Variants in ZDHHC15 observed in about 807,000 individuals in gnomAD.
ZDHHC15 encodes the protein palmitoyltransferase ZDHHC15.
Under a neutral mutation model 31.7 loss-of-function variants are expected in ZDHHC15, and 19 were observed. That is an observed-to-expected ratio of 0.60 (90% CI 0.42 to 0.88). The LOEUF (loss-of-function observed/expected upper bound fraction) is 0.88. Among genes scored for constraint, ZDHHC15 ranks in the 40% least tolerant of loss-of-function variants. The pLI, the probability that ZDHHC15 is intolerant of heterozygous loss-of-function variation, is 0.00. For missense variants in ZDHHC15, 209 were observed against 251.2 expected, an observed-to-expected ratio of 0.83 and a Z score of 1.14; for synonymous variants, 103 against 90.0, an observed-to-expected ratio of 1.14 and a Z score of -0.82.
At chrX:75,461,787 A>C (rs1271969938) in intron 3 of ZDHHC15, among the ~76,000 whole-genome samples, 1 of 112,026 alleles carries the variant, frequency 8.9e-6, no homozygotes, top group African/African-American at 3.2e-5. Flanking sequence ...GAAGCACTAA[A>C]TATGGAAAGG....
In ZDHHC15 at chrX:75,463,575, T is replaced by TACAACAACAACAACAACAACA. The variant is rs55847003; in HGVS notation, c.259-12674_259-12654dup. Reference sequence around the variant, plus strand: ...CCAGAATCTATAAAGAACTCAAATTTACAACAACAACAACAACAACAACAA... The same window carrying TACAACAACAACAACAACAACA: ...CCAGAATCTATAAAGAACTCAAATTTACAACAACAACAACAACAACAACAACAACAACAACAACAACAACAA... On this transcript the variant is annotated intron_variant, in intron 3 of 11. Coordinates refer to ENST00000373367, the MANE Select transcript of ZDHHC15 (RefSeq NM_144969.3). 0.035 allele frequency among the ~76,000 whole-genome samples: 3,526 copies of TACAACAACAACAACAACAACA among 100,700 alleles called. 250 individuals carry two copies. The East Asian group carries it at 0.38, about 11-fold the overall frequency. 87.4% of individuals were successfully genotyped at this position (100,700 alleles called of 115,157 possible). A position where few individuals can be genotyped will look rare whatever the true frequency, so the allele number is the denominator to read the frequency against.
chrX:75,374,350 G>A (rs938082680), intron 11 of ZDHHC15, among the ~76,000 whole-genome samples: 7 of 109,942 alleles, frequency 6.4e-5, no homozygotes, highest in Non-Finnish European at 9.5e-5. Flanking sequence ...AAACCTGCAC[G>A]TTCTGCACAT....
chrX:75,477,143 G>C (rs913191971), intron 3 of ZDHHC15, among the ~76,000 whole-genome samples: 1 of 111,128 alleles, frequency 9.0e-6, no homozygotes, highest in Non-Finnish European at 1.9e-5. Context: ...CATTTGTTAA[G>C]CATGTGTTTA....
At position 75,421,887 on chromosome X, in the gene ZDHHC15, G is replaced by T; in HGVS notation, c.840C>A (p.Phe280Leu). 8.3e-7 allele frequency: 1 copy of T among 1,210,196 alleles called. No individual in the cohort carries two copies. The highest frequency in any genetic ancestry group is 1.1e-6 in the Non-Finnish European group (1 of 894,696). ...IQQVFGDKKK[F>L]WLIPIGSSPG... ...ACCTGGAACCAATAGGTATTAACCA[G>T]AACTTCTTCTTATCTCCAAACACCT... The change falls in exon 9 of 12, where the codon TTC (phenylalanine) becomes TTA (leucine). Residue 280 changes from phenylalanine to leucine, a missense_variant. By Grantham distance (22) the Phe-to-Leu change is conservative. Transcript: ENST00000373367.
chrX:75,519,454 T>C (rs1358451653), intron 1 of ZDHHC15, among the ~76,000 whole-genome samples: 1 of 111,640 alleles, frequency 9.0e-6, no homozygotes, highest in African/African-American at 3.3e-5. Context: ...TGAACAACTG[T>C]AGAAGCAAGG....
intron 10 of ZDHHC15, among the ~76,000 whole-genome samples, chrX:75,414,852 A>G (rs1184232227): frequency 1.9e-5 from 2 of 106,492 alleles, no homozygotes; most frequent in East Asian, 3.0e-4. Context: ...TGCAACCTCC[A>G]TCTCCTGGGT....
intron 1 of ZDHHC15, among the ~76,000 whole-genome samples, chrX:75,517,849 T>A (rs1602779538): frequency 2.7e-5 from 3 of 110,446 alleles, no homozygotes; most frequent in African/African-American, 9.9e-5. Flanking sequence ...AAAATTATTA[T>A]AAGAAAACAC....
intron 10 of ZDHHC15, among the ~76,000 whole-genome samples, chrX:75,391,700 TAAGAA>T (rs1400911643): frequency 8.9e-6 from 1 of 112,312 alleles, no homozygotes; most frequent in Non-Finnish European, 1.9e-5. Context: ...AAGTGTTCTA[TAAGAA>T]ATGCTAAAAG....
chrX:75,400,202 A>T lies in ZDHHC15; in HGVS notation c.967+16885T>A, dbSNP rs769976015. Among the ~76,000 whole-genome samples, 64 of 111,960 alleles carry T rather than the reference A, an allele frequency of 5.7e-4. 1 individual carries two copies. The highest frequency in any genetic ancestry group is 2.1e-3 in the African/African-American group (64 of 30,801). Reference sequence around the variant, plus strand: ...AATCATCAAGATTCAGGAGGATGGCAAAACCCAATCCAAGGAAAATAAGAA... The same window carrying T: ...AATCATCAAGATTCAGGAGGATGGCTAAACCCAATCCAAGGAAAATAAGAA... On this transcript the variant is annotated intron_variant, in intron 10 of 11. Coordinates refer to ENST00000373367, the MANE Select transcript of ZDHHC15 (RefSeq NM_144969.3).
intron 2 of ZDHHC15, among the ~76,000 whole-genome samples, chrX:75,489,453 C>T (rs2084835453): frequency 8.9e-6 from 1 of 111,916 alleles, no homozygotes; most frequent in African/African-American, 3.2e-5. Flanking sequence ...TGTTCTGCAG[C>T]CTCCACTGCT....
Position 75,372,203 on chromosome X carries a change from G to GTCT in ZDHHC15, c.*772_*774dup, listed in dbSNP as rs1162139431. Reference sequence around the variant, plus strand: ...AATTTTACTGCACCCTGACAAAAAAGTCTTTAAAAAACACTGGTTATTATG... The same window carrying GTCT: ...AATTTTACTGCACCCTGACAAAAAAGTCTTCTTTAAAAAACACTGGTTATTATG... On this transcript the variant is annotated 3_prime_UTR_variant, in exon 12 of 12. Transcript: ENST00000373367. 1 of 111,871 alleles carries GTCT rather than the reference G, an allele frequency of 8.9e-6. No individual in the cohort carries two copies. The highest frequency in any genetic ancestry group is 3.2e-5 in the African/African-American group (1 of 30,823). 9.2% of individuals were successfully genotyped at this position (111,871 alleles called of 1,213,427 possible). A position where few individuals can be genotyped will look rare whatever the true frequency, so the allele number is the denominator to read the frequency against.
At chrX:75,508,387 C>T (rs928416001) in intron 1 of ZDHHC15, among the ~76,000 whole-genome samples, 2 of 99,772 alleles carry the variant, frequency 2.0e-5, no homozygotes, top group Non-Finnish European at 4.0e-5. Flanking sequence ...TGAGTGAGAA[C>T]ATGCAGTGTT....
At chrX:75,451,821 A>T (rs1476187984) in intron 3 of ZDHHC15, among the ~76,000 whole-genome samples, 1 of 111,236 alleles carries the variant, frequency 9.0e-6, no homozygotes, top group Non-Finnish European at 1.9e-5. Flanking sequence ...AAAATATTTG[A>T]TGTTGCTGCT....
intron 2 of ZDHHC15, chrX:75,502,329 C>T (rs1303482771): frequency 9.0e-6 from 1 of 111,402 alleles, no homozygotes; most frequent in Non-Finnish European, 1.9e-5. Context: ...AACTTAACTA[C>T]CTCTTTAAAG....
chrX:75,510,292 A>C (rs2085240917), intron 1 of ZDHHC15, among the ~76,000 whole-genome samples: 1 of 111,145 alleles, frequency 9.0e-6, no homozygotes, highest in African/African-American at 3.3e-5. Context: ...TAGGTTTTAA[A>C]ACCATTGGAG....
chrX:75,401,752 G>C (rs1010705817), intron 10 of ZDHHC15, among the ~76,000 whole-genome samples: 1 of 111,916 alleles, frequency 8.9e-6, no homozygotes, highest in Admixed American at 9.4e-5. Flanking sequence ...CAAGTTCTTA[G>C]AGATGTACAA....
At chrX:75,472,604 G>C (rs977105629) in intron 3 of ZDHHC15, among the ~76,000 whole-genome samples, 2 of 111,934 alleles carry the variant, frequency 1.8e-5, no homozygotes, top group Admixed American at 9.5e-5. Context: ...TCCCATGTGA[G>C]TGGTGACCAA....
At chrX:75,408,219 A>AT (rs1460683867) in intron 10 of ZDHHC15, among the ~76,000 whole-genome samples, 4 of 109,996 alleles carry the variant, frequency 3.6e-5, no homozygotes, top group Non-Finnish European at 5.7e-5. Flanking sequence ...ATACTAAAAA[A>AT]AAATAAAAAA....
At chrX:75,423,701 G>T (rs1167555877) in intron 8 of ZDHHC15, among the ~76,000 whole-genome samples, 1 of 105,729 alleles carries the variant, frequency 9.5e-6, no homozygotes, top group African/African-American at 3.5e-5. Flanking sequence ...ATGTTGCTCA[G>T]GCTGGTCTCA....
Sources: allele counts gnomAD v4.1 joint callset (sites outside exome capture counted in the v4.1 genomes callset), GRCh38; gene constraint gnomAD v4.1.1; transcripts MANE v1.5; gene names NCBI Gene and HGNC (gene_info 2026-07-23, HGNC 2026-07-21).